Variants in AGBL4 observed in about 807,000 individuals in gnomAD.
AGBL4 encodes AGBL carboxypeptidase 4, also known as cytosolic carboxypeptidase 6.
AGBL4 carries 58 observed loss-of-function variants against 66.4 expected under a neutral mutation model. The observed-to-expected ratio is 0.87, with a 90% CI of 0.71 to 1.09. The LOEUF (loss-of-function observed/expected upper bound fraction) is 1.09. Ranked by LOEUF, AGBL4 falls within the 50% of genes least tolerant of loss-of-function variation. The probability of loss-of-function intolerance (pLI) is 0.00; values close to 1 mark genes in which losing one functional copy is unlikely to be tolerated. For synonymous variants in AGBL4, 234 were observed against 222.9 expected (o/e 1.05, Z -0.44); for missense variants, 579 against 631.0 (o/e 0.92, Z 0.88).
intron 9 of AGBL4, among the ~76,000 whole-genome samples, chr1:48,593,031 T>C (rs149899083): frequency 6.6e-5 from 10 of 152,326 alleles, no homozygotes; most frequent in African/African-American, 2.2e-4. Context: ...ATTATGTTGA[T>C]TGATCATATA....
chr1:48,921,421 C>T (rs1654067330), intron 5 of AGBL4, among the ~76,000 whole-genome samples: 1 of 152,114 alleles, frequency 6.6e-6, no homozygotes, highest in Non-Finnish European at 1.5e-5. Context: ...ACATATGCTA[C>T]AATAAAGCGA....
At chr1:49,909,735 G>A (rs1296872729) in intron 1 of AGBL4, among the ~76,000 whole-genome samples, 1 of 152,086 alleles carries the variant, frequency 6.6e-6, no homozygotes, top group Non-Finnish European at 1.5e-5. Context: ...TAACTGTAGG[G>A]GTAGAAAAGT....
intron 2 of AGBL4, among the ~76,000 whole-genome samples, chr1:49,834,447 A>G (rs1645789978): frequency 6.6e-6 from 1 of 152,046 alleles, no homozygotes; most frequent in African/African-American, 2.4e-5. Context: ...ATCATTTATT[A>G]TTGTGTCTAT....
intron 1 of AGBL4, among the ~76,000 whole-genome samples, chr1:50,004,177 T>C (rs1660966113): frequency 6.6e-6 from 1 of 152,208 alleles, no homozygotes. Flanking sequence ...AACTCAGTGC[T>C]ACCCTGTCAC....
chr1:48,997,790 A>G (rs551630559), intron 5 of AGBL4, among the ~76,000 whole-genome samples: 1 of 152,350 alleles, frequency 6.6e-6, no homozygotes, highest in East Asian at 1.9e-4. Flanking sequence ...AGCACTTGTC[A>G]TAGAGCTTGG....
At chr1:49,918,767 G>A (rs1019113282) in intron 1 of AGBL4, among the ~76,000 whole-genome samples, 1 of 152,106 alleles carries the variant, frequency 6.6e-6, no homozygotes, top group Non-Finnish European at 1.5e-5. Context: ...ACCAAAGACT[G>A]GCAGAGACAC....
chr1:48,562,300 C>A (rs1557787834), intron 11 of AGBL4, among the ~76,000 whole-genome samples: 1 of 152,144 alleles, frequency 6.6e-6, no homozygotes, highest in East Asian at 1.9e-4. Context: ...GCTAACAGGA[C>A]CCTTAGAGAT....
At chr1:49,929,308 A>C (rs1308568015) in intron 1 of AGBL4, among the ~76,000 whole-genome samples, 1 of 152,190 alleles carries the variant, frequency 6.6e-6, no homozygotes, top group African/African-American at 2.4e-5. Flanking sequence ...AAGAATAAAA[A>C]ATAAAAGTTG....
chr1:48,837,711 C>CTATATACATA (rs1646714707), intron 6 of AGBL4, among the ~76,000 whole-genome samples: 1 of 82,298 alleles, frequency 1.2e-5, no homozygotes, highest in African/African-American at 4.5e-5. Flanking sequence ...CACACACACA[C>CTATATACATA]TATATATATA....
chr1:48,833,487 A>C (rs1031858833), intron 6 of AGBL4, among the ~76,000 whole-genome samples: 13 of 152,214 alleles, frequency 8.5e-5, no homozygotes, highest in African/African-American at 2.9e-4. Flanking sequence ...AGATGAATTG[A>C]AAGGGTGAAT....
intron 1 of AGBL4, among the ~76,000 whole-genome samples, chr1:49,990,354 T>A (rs1240840364): frequency 6.6e-6 from 1 of 152,174 alleles, no homozygotes; most frequent in Non-Finnish European, 1.5e-5. Flanking sequence ...GTTCTCATAA[T>A]AGTGAGTGAG....
intron 1 of AGBL4, among the ~76,000 whole-genome samples, chr1:49,883,727 A>G (rs1647690310): frequency 1.3e-5 from 2 of 152,086 alleles, no homozygotes; most frequent in South Asian, 4.1e-4. Flanking sequence ...ACAAACAGAT[A>G]TTTACATTTA....
At chr1:49,861,749 A>G (rs1442674996) in intron 1 of AGBL4, among the ~76,000 whole-genome samples, 1 of 152,200 alleles carries the variant, frequency 6.6e-6, no homozygotes, top group Non-Finnish European at 1.5e-5. Context: ...TCTGCCTGCT[A>G]ATCCAGAGAA....
At chr1:49,601,001 G>A (rs1248982000) in intron 3 of AGBL4, among the ~76,000 whole-genome samples, 1 of 152,174 alleles carries the variant, frequency 6.6e-6, no homozygotes, top group East Asian at 1.9e-4. Context: ...GAGATCCACT[G>A]TTAGTCTGAT....
intron 3 of AGBL4, among the ~76,000 whole-genome samples, chr1:49,562,521 G>C (rs1484862301): frequency 1.3e-5 from 2 of 152,040 alleles, no homozygotes; most frequent in Admixed American, 1.3e-4. Flanking sequence ...TCAGCTTTCT[G>C]CTTATGGCTA....
chr1:50,021,918 G>A (rs113071648), intron 1 of AGBL4, among the ~76,000 whole-genome samples: 2 of 152,114 alleles, frequency 1.3e-5, no homozygotes, highest in African/African-American at 2.4e-5. Context: ...TGGCTTCAGC[G>A]TACCTCTTCT....
At chr1:48,983,936 T>A (rs1229687289) in intron 5 of AGBL4, among the ~76,000 whole-genome samples, 1 of 152,136 alleles carries the variant, frequency 6.6e-6, no homozygotes, top group East Asian at 1.9e-4. Context: ...GGATCTGATC[T>A]AGGGCTAGTT....
intron 6 of AGBL4, among the ~76,000 whole-genome samples, chr1:48,801,093 T>C (rs1286256582): frequency 1.3e-5 from 2 of 152,002 alleles, no homozygotes; most frequent in African/African-American, 4.8e-5. Context: ...TCCAGGGAAG[T>C]AGGGGGAAAG....
intron 3 of AGBL4, among the ~76,000 whole-genome samples, chr1:49,301,212 G>A (rs1162748816): frequency 6.6e-6 from 1 of 152,172 alleles, no homozygotes; most frequent in Non-Finnish European, 1.5e-5. Context: ...TCTGGGCTGT[G>A]GGACAATTAG....
Sources: allele counts gnomAD v4.1 joint callset (sites outside exome capture counted in the v4.1 genomes callset), GRCh38; gene constraint gnomAD v4.1.1; transcripts MANE v1.5; gene names NCBI Gene and HGNC (gene_info 2026-07-23, HGNC 2026-07-21).